Variants in ABCB10 observed in about 807,000 individuals in gnomAD.
The protein encoded by ABCB10 is ATP-binding cassette sub-family B member 10, mitochondrial.
Under a neutral mutation model 65.4 loss-of-function variants are expected in ABCB10, and 54 were observed. The observed-to-expected ratio is 0.83, with a 90% confidence interval of 0.66 to 1.04. ABCB10 has a LOEUF of 1.04. Ranked by LOEUF, ABCB10 falls within the 50% of genes least tolerant of loss-of-function variation. The probability of loss-of-function intolerance (pLI) is 0.00; values close to 1 mark genes in which losing one functional copy is unlikely to be tolerated. For synonymous variants in ABCB10, 418 were observed against 406.5 expected, an observed-to-expected ratio of 1.03 and a Z score of -0.34; for missense variants, 846 against 976.6, an observed-to-expected ratio of 0.87 and a Z score of 1.78.
intron 10 of ABCB10, 144 bp from the exon 11 acceptor site, chr1:229,521,779 A>C: frequency 5.5e-6 from 4 of 721,116 alleles, no homozygotes; most frequent in Non-Finnish European, 2.3e-6. Context: ...CCTATTTTAA[A>C]ATATAGGTTT....
At chr1:229,542,078 G>T (rs1477274467) in intron 4 of ABCB10, among the ~76,000 whole-genome samples, 159 bp downstream of exon 4, 1 of 152,162 alleles carries the variant, frequency 6.6e-6, no homozygotes, top group Non-Finnish European at 1.5e-5. Flanking sequence ...CTAGAAAACA[G>T]AGTAGTTTAA....
intron 6 of ABCB10, chr1:229,535,038 T>TTAAAAAA (rs1553264347): frequency 2.1e-5 from 1 of 47,476 alleles, no homozygotes; most frequent in African/African-American, 7.6e-5. Flanking sequence ...AGACTCCCTT[T>TTAAAAAA]AAAAAAAAAA....
chr1:229,534,282 G>T (rs1662652747), intron 6 of ABCB10, among the ~76,000 whole-genome samples: 2 of 152,196 alleles, frequency 1.3e-5, no homozygotes, highest in Non-Finnish European at 2.9e-5. Context: ...TAAATGCTGG[G>T]GTGGATGTGG....
At position 229,558,181 on chromosome 1, in the gene ABCB10, G is replaced by C. The variant is rs909987820; in HGVS notation, c.472C>G (p.Arg158Gly). The change falls in exon 1 of 13, where the codon CGG becomes GGG. Residue 158 changes from arginine (R) to glycine (G), a missense_variant. Transcript: ENST00000344517. ...RPAAAGLPEA[R>G]KLLGLAYPER... ...GGGTACGCCAGCCCCAGGAGCTTCC[G>C]GGCCTCCGGGAGTCCGGCCGCTGCG... The C allele has an allele frequency of 4.2e-6, 6 of 1,432,494 alleles. No individual in the cohort carries two copies. Among genetic ancestry groups the C allele is most frequent in the Non-Finnish European group, 9.1e-7 (1 of 1,095,926 alleles). The allele number at this position is 1,432,494 out of a possible 1,614,324, so 88.7% of individuals were successfully genotyped here.
Position 229,540,674 on chromosome 1 carries a change from T to C in ABCB10, c.1135A>G (p.Ser379Gly). The C allele has an allele frequency of 6.2e-7, 1 of 1,613,140 alleles. No individual in the cohort carries two copies. ...AACTGCATTACATGGTCCACTTTGC[T>C]GGCATATTTCTCGATTTCAGTCATT... is the stretch of plus-strand genomic sequence containing the variant. ...KEMTEIEKYASKVDHVMQLAR... is the reference protein window; with the variant it reads ...KEMTEIEKYAGKVDHVMQLAR... The change falls in exon 5 of 13, where the codon AGC becomes GGC. Residue 379 changes from serine to glycine, a missense_variant. Ser to Gly is a moderately conservative substitution (Grantham distance 56). Coordinates refer to ENST00000344517, the MANE Select transcript of ABCB10 (RefSeq NM_012089.3).
rs368216772 is a variant in ABCB10 at position 229,530,420 on chromosome 1, A to T, written c.1436-12T>A. ...TAAGATGACCCCCTCTGAAACATAA[A>T]ATGGAATATTAATTACTTACAGCAA... On this transcript the variant is annotated splice_polypyrimidine_tract_variant and intron_variant, in intron 7 of 12. Transcript: ENST00000344517. 6.2e-7 allele frequency: 1 copy of T among 1,613,136 alleles called. No homozygotes were observed. Among genetic ancestry groups the T allele is most frequent in the Non-Finnish European group, 8.5e-7 (1 of 1,179,628 alleles).
chr1:229,551,942 C>A (rs1240338257), intron 1 of ABCB10, among the ~76,000 whole-genome samples: 2 of 152,214 alleles, frequency 1.3e-5, no homozygotes, highest in African/African-American at 4.8e-5. Flanking sequence ...CACCTCTTCC[C>A]TCCTCCTCTA....
chr1:229,522,521 A>T (rs924386221), intron 10 of ABCB10, among the ~76,000 whole-genome samples: 6 of 152,222 alleles, frequency 3.9e-5, no homozygotes, highest in Non-Finnish European at 8.8e-5. Flanking sequence ...TAATCTTTTT[A>T]AAAATCCTAT....
intron 3 of ABCB10, 110 bp from the exon 4 acceptor site, chr1:229,542,481 G>T: frequency 1.6e-6 from 2 of 1,278,876 alleles, no homozygotes; most frequent in Non-Finnish European, 2.1e-6. Flanking sequence ...GTGTGTGTGT[G>T]TTTAAATTAA....
Position 229,527,310 on chromosome 1 carries a change from T to C in ABCB10, c.1646-2A>G. 1 of 1,480,576 alleles carries C rather than the reference T, an allele frequency of 6.8e-7. No individual in the cohort carries two copies. The allele number at this position is 1,480,576 out of a possible 1,614,324, so 91.7% of individuals were successfully genotyped here. A position where few individuals can be genotyped will look rare whatever the true frequency, so the allele number is the denominator to read the frequency against. ...CATGGCCATCAAGACTAATAGTTCC[T>C]TGTTGAGAGGAAAGGAAAGGAAAGA... On this transcript the variant is annotated splice_acceptor_variant, in intron 8 of 12. Transcript: ENST00000344517. LOFTEE classifies it high-confidence loss of function.
At chr1:229,525,344 T>TTTGTTGTTG (rs370441280) in intron 10 of ABCB10, among the ~76,000 whole-genome samples, 4 of 151,756 alleles carry the variant, frequency 2.6e-5, no homozygotes, top group African/African-American at 7.3e-5. Flanking sequence ...GCAAAGCACA[T>TTTGTTGTTG]TTGTTGTTGT....
intron 6 of ABCB10, chr1:229,531,973 G>A (rs568754176): frequency 2.4e-4 from 63 of 260,026 alleles, no homozygotes; most frequent in African/African-American, 2.2e-3. Context: ...TTTTTTTTGA[G>A]ACAGATCATC....
Position 229,518,118 on chromosome 1 carries a change from T to G in ABCB10, c.*61A>C. ...GTTTATGTATTTCATAGTCTCTGAG[T>G]TTTTTTTCTGCAACACTGTTTTGCA... On this transcript the variant is annotated 3_prime_UTR_variant, in exon 13 of 13. Coordinates refer to ENST00000344517, the MANE Select transcript of ABCB10 (RefSeq NM_012089.3). 2 of 1,280,558 alleles carry G rather than the reference T, an allele frequency of 1.6e-6. No homozygotes were observed. The highest frequency in any genetic ancestry group is 2.3e-5 in the East Asian group (1 of 43,148). 79.3% of individuals were successfully genotyped at this position (1,280,558 alleles called of 1,614,324 possible). A position where few individuals can be genotyped will look rare whatever the true frequency, so the allele number is the denominator to read the frequency against.
intron 6 of ABCB10, 122 bp downstream of exon 6, chr1:229,539,334 C>A: frequency 7.1e-7 from 1 of 1,417,146 alleles, no homozygotes; most frequent in South Asian, 1.2e-5. Flanking sequence ...GGAATAATAA[C>A]ATTCTAGGAA....
At chr1:229,555,740 C>T (rs1419089286) in intron 1 of ABCB10, among the ~76,000 whole-genome samples, 2 of 152,198 alleles carry the variant, frequency 1.3e-5, no homozygotes, top group Non-Finnish European at 1.5e-5. Context: ...AATACACACA[C>T]GCAATTGCTC....
intron 6 of ABCB10, among the ~76,000 whole-genome samples, chr1:229,532,409 T>C (rs997286921): frequency 2.0e-5 from 3 of 152,150 alleles, no homozygotes; most frequent in African/African-American, 7.2e-5. Flanking sequence ...TGCTATCTCA[T>C]AATTTAAAAA....
chr1:229,547,967 A>C (rs914953367), intron 2 of ABCB10, among the ~76,000 whole-genome samples: 8 of 152,076 alleles, frequency 5.3e-5, no homozygotes, highest in African/African-American at 1.9e-4. Context: ...GAATAAAATA[A>C]ATATAACATG....
At chr1:229,525,609 G>A (rs1451537923) in intron 10 of ABCB10, among the ~76,000 whole-genome samples, 2 of 152,186 alleles carry the variant, frequency 1.3e-5, no homozygotes, top group African/African-American at 4.8e-5. Context: ...GCGAGGCCAA[G>A]GTGGGCGGAT....
In ABCB10 at chr1:229,549,313, G is replaced by C; in HGVS notation, c.639C>G (p.Arg213=). ...PTVDYSDNLT[R]LCLGLSAVFL... is the part of the protein sequence containing the mutation. ...ACACGGCACTGAGCCCTAGGCAGAG[G>C]CGGGTCAGGTTGTCGCTGTAGTCCA... Residue 213 remains arginine (R), a synonymous_variant, in exon 2 of 13, where the codon CGC becomes CGG. Coordinates refer to ENST00000344517, the MANE Select transcript of ABCB10 (RefSeq NM_012089.3). 3 of 1,614,094 alleles carry C rather than the reference G, an allele frequency of 1.9e-6. No homozygotes were observed. Among genetic ancestry groups the C allele is most frequent in the Non-Finnish European group, 2.5e-6 (3 of 1,179,974 alleles).
Sources: gnomAD v4.1 joint callset for allele counts (sites outside exome capture counted in the v4.1 genomes callset) on GRCh38, gnomAD v4.1.1 for gene constraint, MANE v1.5 for transcripts, NCBI Gene and HGNC (gene_info 2026-07-23, HGNC 2026-07-21) for gene names.